The following CHEK2 variants were observed in gnomAD, a reference collection of about 807,000 sequenced individuals.
CHEK2 encodes the protein serine/threonine-protein kinase Chk2.
Under a neutral mutation model 69.1 loss-of-function variants are expected in CHEK2, and 71 were observed. The ratio of observed to expected loss-of-function variants is 1.03; its 90% CI spans 0.85 to 1.25. The LOEUF (loss-of-function observed/expected upper bound fraction) is 1.25. Among genes scored for constraint, CHEK2 ranks in the 50% most tolerant of loss-of-function variants. CHEK2 has a pLI of 0.00. For synonymous variants in CHEK2, 189 were observed against 226.9 expected (o/e 0.83, Z 1.50); for missense variants, 664 against 649.6 (o/e 1.02, Z -0.24).
chr22:28,720,390 C>CA (rs960853254), intron 4 of CHEK2, among the ~76,000 whole-genome samples: 161 of 119,744 alleles, frequency 1.3e-3, no homozygotes, highest in Middle Eastern at 4.5e-3. Context: ...TGTGCCCAGC[C>CA]AAAAAAAAAA....
chr22:28,737,360 T>A (rs2054442673), intron 1 of CHEK2: 1 of 436,186 alleles, frequency 2.3e-6, no homozygotes, highest in East Asian at 6.0e-5. Context: ...AGCTTCTCTT[T>A]ACAATATCCA....
Position 28,697,009 on chromosome 22 carries a change from A to G in CHEK2, c.1009-22T>C, listed in dbSNP as rs555234460. The G allele has an allele frequency of 1.4e-4, 207 of 1,490,142 alleles. 4 individuals carry two copies. In the South Asian group the frequency reaches 2.2e-3, roughly 16 times the overall value. The allele number at this position is 1,490,142 out of a possible 1,614,324, so 92.3% of individuals were successfully genotyped here. ...GGTACTACACAGAAAGGCAGGCATG[A>G]CCCTCAGATTCATGCAGTAGATACT... On this transcript the variant is annotated intron_variant, in intron 9 of 14. Transcript: ENST00000404276.
At chr22:28,721,373 A>C (rs1601811396) in intron 4 of CHEK2, 2 of 197,402 alleles carry the variant, frequency 1.0e-5, no homozygotes, top group African/African-American at 5.4e-5. Flanking sequence ...TGCAACCTCC[A>C]CCTCCTGGAT....
At chr22:28,694,479 G>A (rs1404471026) in intron 12 of CHEK2, among the ~76,000 whole-genome samples, 1 of 152,172 alleles carries the variant, frequency 6.6e-6, no homozygotes, top group Non-Finnish European at 1.5e-5. Context: ...ATGGATAGGT[G>A]ACAGTTACTC....
At chr22:28,704,078 C>T (rs1295721591) in intron 7 of CHEK2, among the ~76,000 whole-genome samples, 1 of 150,856 alleles carries the variant, frequency 6.6e-6, no homozygotes, top group Non-Finnish European at 1.5e-5. Flanking sequence ...TTTATAAGAA[C>T]TCTAAAACAC....
At position 28,725,488 on chromosome 22, in the gene CHEK2, G is replaced by A. The variant is rs559286827; in HGVS notation, c.320-121C>T. On this transcript the variant is annotated intron_variant, in intron 2 of 14. Coordinates refer to ENST00000404276, the MANE Select transcript of CHEK2 (RefSeq NM_007194.4). ...AGAAGGCAATCAGAATTATCAATCT[G>A]CTTATCAAGATTTTACAAGATTAAA... The A allele has an allele frequency of 7.0e-4, 825 of 1,177,734 alleles. 7 individuals carry two copies. In the South Asian group the frequency reaches 9.8e-3, roughly 14 times the overall value. 73.0% of individuals were successfully genotyped at this position (1,177,734 alleles called of 1,614,324 possible). A position where few individuals can be genotyped will look rare whatever the true frequency, so the allele number is the denominator to read the frequency against.
chr22:28,736,378 C>T (rs570463989), intron 1 of CHEK2, among the ~76,000 whole-genome samples: 4 of 152,282 alleles, frequency 2.6e-5, no homozygotes, highest in African/African-American at 7.2e-5. Flanking sequence ...CAGGCTTGCT[C>T]CTAAAGTGAA....
chr22:28,731,577 C>T (rs550999709), intron 2 of CHEK2, among the ~76,000 whole-genome samples: 1 of 152,166 alleles, frequency 6.6e-6, no homozygotes, highest in South Asian at 2.1e-4. Context: ...GCCTGGGTGA[C>T]AGAGTGAGAC....
At chr22:28,731,207 T>C (rs745583146) in intron 2 of CHEK2, among the ~76,000 whole-genome samples, 3 of 148,970 alleles carry the variant, frequency 2.0e-5, no homozygotes, top group Non-Finnish European at 3.0e-5. Flanking sequence ...TGTCTCAAAA[T>C]AAACAAACAA....
chr22:28,698,228 TAAAAA>T (rs398040472), intron 9 of CHEK2, among the ~76,000 whole-genome samples: 1 of 81,900 alleles, frequency 1.2e-5, no homozygotes, highest in South Asian at 7.2e-4. Flanking sequence ...CTATCTTTAC[TAAAAA>T]AAAAAAAAAA....
rs2146148626 is a variant in CHEK2, at chr22:28,734,542, C to T, written c.180G>A (p.Leu60=). 6.2e-7 allele frequency: 1 copy of T among 1,613,892 alleles called. No homozygotes were observed. The highest frequency in any genetic ancestry group is 1.1e-5 in the South Asian group (1 of 91,048). ...SQSSHSSSGT[L]SSLETVSTQE... ...GAGTGGACACTGTCTCTAAGGAGCT[C>T]AGTGTCCCAGAGCTGGAGTGAGAGG... Residue 60 remains leucine, a synonymous_variant, in exon 2 of 15, where the codon CTG becomes CTA. Transcript: ENST00000404276.
At chr22:28,701,330 G>A (rs188793828) in intron 8 of CHEK2, among the ~76,000 whole-genome samples, 1 of 152,198 alleles carries the variant, frequency 6.6e-6, no homozygotes, top group East Asian at 1.9e-4. Context: ...CCACGCCTCA[G>A]CCACCCAAGG....
At chr22:28,692,897 T>G (rs2052419748) in intron 13 of CHEK2, among the ~76,000 whole-genome samples, 1 of 152,192 alleles carries the variant, frequency 6.6e-6, no homozygotes, top group African/African-American at 2.4e-5. Flanking sequence ...AAGAGGATCT[T>G]CGCCCTTCAC....
At position 28,695,826 on chromosome 22, in the gene CHEK2, C is replaced by T. The variant is rs1601723143; in HGVS notation, c.1143G>A (p.Met381Ile). The T allele has an allele frequency of 1.2e-6, 2 of 1,613,816 alleles. No individual in the cohort carries two copies. Among genetic ancestry groups the T allele is most frequent in the Non-Finnish European group, 1.7e-6 (2 of 1,179,710 alleles). ...HSKILGETSL[M>I]RTLCGTPTYL... ...AGGTGGGGGTTCCACATAAGGTTCTCATGAGAGAGGTCTCTCCCAAAATCT... is the reference window on the plus strand; with the variant it reads ...AGGTGGGGGTTCCACATAAGGTTCTTATGAGAGAGGTCTCTCCCAAAATCT... Residue 381 changes from methionine to isoleucine, a missense_variant, in exon 11 of 15, where the codon ATG becomes ATA. Transcript: ENST00000404276.
chr22:28,735,965 A>G (rs548741832), intron 1 of CHEK2, among the ~76,000 whole-genome samples: 2 of 152,264 alleles, frequency 1.3e-5, no homozygotes, highest in East Asian at 1.9e-4. Context: ...TGTAAACCCA[A>G]TATTTCGGGT....
intron 1 of CHEK2, among the ~76,000 whole-genome samples, chr22:28,737,479 T>TC (rs974856438): frequency 6.6e-6 from 1 of 151,314 alleles, no homozygotes; most frequent in African/African-American, 2.4e-5. Flanking sequence ...TATTTCTTTT[T>TC]TTTTTTTTTT....
At chr22:28,695,092 C>A (rs1354306485) in intron 12 of CHEK2, 35 bp downstream of exon 12, 5 of 1,304,382 alleles carry the variant, frequency 3.8e-6, no homozygotes, top group Non-Finnish European at 3.3e-6. Context: ...CACATTTTAG[C>A]ATACCACAAA....
intron 2 of CHEK2, among the ~76,000 whole-genome samples, chr22:28,732,977 A>G (rs770169084): frequency 3.3e-5 from 5 of 151,992 alleles, no homozygotes; most frequent in African/African-American, 4.8e-5. Flanking sequence ...TTTTCAGGAG[A>G]GACAGGGTTT....
intron 11 of CHEK2, 48 bp downstream of exon 11, chr22:28,695,662 A>C: frequency 6.5e-7 from 1 of 1,547,962 alleles, no homozygotes; most frequent in Non-Finnish European, 8.9e-7. Flanking sequence ...TTGTGACTTC[A>C]TCTAATCACC....
Sources: gnomAD v4.1 joint callset for allele counts (sites outside exome capture counted in the v4.1 genomes callset) on GRCh38, gnomAD v4.1.1 for gene constraint, MANE v1.5 for transcripts, NCBI Gene and HGNC (gene_info 2026-07-23, HGNC 2026-07-21) for gene names.